PATJ: variants seen among roughly 807,000 people sequenced by gnomAD.
The protein encoded by PATJ is inaD-like protein.
In PATJ, 190 loss-of-function variants were observed where a neutral mutation model predicts 224.9. The observed-to-expected ratio is 0.84, with a 90% CI of 0.75 to 0.95. PATJ has a LOEUF of 0.95. PATJ is among the 40% of genes least tolerant of loss of function. PATJ has a pLI of 0.00. For synonymous variants in PATJ, 769 were observed against 820.3 expected, an observed-to-expected ratio of 0.94 and a Z score of 1.07; for missense variants, 2,121 against 2,270.3, an observed-to-expected ratio of 0.93 and a Z score of 1.34.
At chr1:61,828,410 T>C (rs1228044031) in intron 16 of PATJ, among the ~76,000 whole-genome samples, 1 of 151,782 alleles carries the variant, frequency 6.6e-6, no homozygotes, top group Non-Finnish European at 1.5e-5. Context: ...AGTTTTTTTT[T>C]TTTTTTGAAA....
At chr1:62,075,644 C>T (rs994772521) in intron 31 of PATJ, among the ~76,000 whole-genome samples, 7 of 152,080 alleles carry the variant, frequency 4.6e-5, no homozygotes, top group African/African-American at 7.2e-5. Context: ...AAGGGCCGGG[C>T]GCAGTGGCTC....
intron 17 of PATJ, among the ~76,000 whole-genome samples, chr1:61,845,417 G>T (rs2148857132): frequency 6.6e-6 from 1 of 152,184 alleles, no homozygotes; most frequent in South Asian, 2.1e-4. Context: ...TAGTTATTTT[G>T]TCATTCTAGA....
At chr1:62,085,771 A>G (rs1018262905) in intron 33 of PATJ, among the ~76,000 whole-genome samples, 15 of 150,338 alleles carry the variant, frequency 1.0e-4, no homozygotes, top group African/African-American at 3.7e-4. Flanking sequence ...GTGAGCTATG[A>G]TCATGCCACT....
intron 27 of PATJ, among the ~76,000 whole-genome samples, chr1:61,947,149 A>T (rs1307684235): frequency 2.6e-5 from 4 of 152,216 alleles, no homozygotes; most frequent in African/African-American, 7.2e-5. Context: ...TCCCTTTGAA[A>T]ACTGGCACAA....
chr1:61,747,350 G>A (rs1294157144), intron 1 of PATJ, among the ~76,000 whole-genome samples: 1 of 103,002 alleles, frequency 9.7e-6, no homozygotes, highest in East Asian at 3.6e-4. Flanking sequence ...CTTATTTTTT[G>A]TGTTCGTACA....
intron 41 of PATJ, among the ~76,000 whole-genome samples, chr1:62,129,731 A>G (rs1288135752): frequency 6.6e-6 from 1 of 152,182 alleles, no homozygotes; most frequent in East Asian, 1.9e-4. Context: ...ACCTGAGGTC[A>G]GGAGTTCGAG....
At chr1:61,831,959 T>C (rs183255343) in intron 16 of PATJ, among the ~76,000 whole-genome samples, 116 of 152,140 alleles carry the variant, frequency 7.6e-4, no homozygotes, top group Non-Finnish European at 1.0e-3. Flanking sequence ...GTAAAGAAAA[T>C]GTGGTACATA....
chr1:61,755,991 G>A (rs539581031), intron 1 of PATJ, among the ~76,000 whole-genome samples: 2 of 152,100 alleles, frequency 1.3e-5, no homozygotes, highest in Non-Finnish European at 2.9e-5. Context: ...TAGTAGAGAC[G>A]GGGTTTCTCC....
intron 31 of PATJ, chr1:62,072,832 A>G (rs1328440177): frequency 6.5e-6 from 1 of 154,406 alleles, no homozygotes. Context: ...GGCTGAAAAA[A>G]CATTTGGAAA....
In PATJ at chr1:61,973,056, G is replaced by A. The variant is rs867249837; in HGVS notation, c.3671-17112G>A. Among the ~76,000 whole-genome samples the A allele has an allele frequency of 1.5e-4, 23 of 152,118 alleles. 1 individual carries two copies. The Middle Eastern group carries it at 0.014, about 90-fold the overall frequency. On this transcript the variant is annotated intron_variant, in intron 27 of 43. Transcript: ENST00000642238. ...AATTTAATTCCTAGGGGAAGTAAAA[G>A]TGTATTAATTAGAAATTTTTATTAA...
intron 28 of PATJ, among the ~76,000 whole-genome samples, chr1:61,995,161 T>C (rs1372809769): frequency 6.6e-6 from 1 of 152,172 alleles, no homozygotes; most frequent in African/African-American, 2.4e-5. Flanking sequence ...CTGCATTATA[T>C]GGGAAGCATT....
rs547290328 is a variant in PATJ, at chr1:61,938,353, G to C, written c.3670+10524G>C. 3.3e-5 allele frequency among the ~76,000 whole-genome samples: 5 copies of C among 151,782 alleles called. No homozygotes were observed. The South Asian group carries it at 1.0e-3, about 32-fold the overall frequency. ...TTCTTGATTATAAACATTGTTTAAA[G>C]TTGCAGTAGTAGAGAGGGTGGGGTG... On this transcript the variant is annotated intron_variant, in intron 27 of 43. Transcript: ENST00000642238.
chr1:61,955,890 A>C (rs1463184300), intron 27 of PATJ, among the ~76,000 whole-genome samples: 3 of 152,064 alleles, frequency 2.0e-5, no homozygotes, highest in African/African-American at 7.2e-5. Context: ...TTTTTTGGTA[A>C]TTCATGTTGT....
intron 35 of PATJ, among the ~76,000 whole-genome samples, 173 bp from the exon 36 acceptor site, chr1:62,116,359 G>A (rs1006462277): frequency 6.6e-6 from 1 of 152,080 alleles, no homozygotes; most frequent in Non-Finnish European, 1.5e-5. Flanking sequence ...TAAAAAATGA[G>A]GAAGCTCCAA....
intron 41 of PATJ, among the ~76,000 whole-genome samples, chr1:62,144,777 A>AAATAT (rs377489788): frequency 0.056 from 6,700 of 118,986 alleles, 309 homozygotes; most frequent in Non-Finnish European, 0.082. Flanking sequence ...AAAAAAAAAA[A>AAATAT]ATATATATAT....
intron 30 of PATJ, among the ~76,000 whole-genome samples, chr1:62,043,733 G>T (rs986837242): frequency 6.6e-6 from 1 of 151,240 alleles, no homozygotes; most frequent in African/African-American, 2.4e-5. Flanking sequence ...GTTTGGGGGG[G>T]GCAGTTATTT....
intron 27 of PATJ, among the ~76,000 whole-genome samples, chr1:61,980,461 GT>G (rs1644391404): frequency 6.7e-6 from 1 of 150,148 alleles, no homozygotes; most frequent in African/African-American, 2.5e-5. Flanking sequence ...GTGTGTGTGT[GT>G]GTGTGTGTGT....
intron 28 of PATJ, among the ~76,000 whole-genome samples, chr1:61,995,452 A>T (rs1645296103): frequency 6.6e-6 from 1 of 152,190 alleles, no homozygotes; most frequent in African/African-American, 2.4e-5. Flanking sequence ...TAGCAAAAAG[A>T]GAGGTTGAGC....
At chr1:62,044,967 C>T (rs879540511) in intron 30 of PATJ, among the ~76,000 whole-genome samples, 47 of 152,276 alleles carry the variant, frequency 3.1e-4, no homozygotes, top group African/African-American at 1.1e-3. Context: ...CCTGTAATCC[C>T]GACACTCTGG....
Sources: allele counts gnomAD v4.1 joint callset (sites outside exome capture counted in the v4.1 genomes callset), GRCh38; gene constraint gnomAD v4.1.1; transcripts MANE v1.5; gene names NCBI Gene and HGNC (gene_info 2026-07-23, HGNC 2026-07-21).